The following PPFIA1 variants were observed in gnomAD, a reference collection of about 807,000 sequenced individuals.
The protein encoded by PPFIA1 is PPFI scaffold protein A1.
Under a neutral mutation model 149.9 loss-of-function variants are expected in PPFIA1, and 25 were observed. The observed-to-expected ratio is 0.17, with a 90% confidence interval of 0.12 to 0.23. The LOEUF is 0.23. PPFIA1 is among the 10% of genes least tolerant of loss of function. The pLI, the probability that PPFIA1 is intolerant of heterozygous loss-of-function variation, is 1.00. For missense variants in PPFIA1, 1,362 were observed against 1,506.5 expected (o/e 0.90, Z 1.59); for synonymous variants, 549 against 552.8 (o/e 0.99, Z 0.10).
At chr11:70,288,114 G>A (rs558709792) in intron 2 of PPFIA1, among the ~76,000 whole-genome samples, 23 of 142,236 alleles carry the variant, frequency 1.6e-4, no homozygotes, top group African/African-American at 4.8e-4. Context: ...TTGCTCTGTC[G>A]CCCAGGCTGG....
chr11:70,317,674 C>T (rs1362372051), intron 2 of PPFIA1, among the ~76,000 whole-genome samples: 11 of 152,026 alleles, frequency 7.2e-5, no homozygotes, highest in Admixed American at 1.3e-4. Context: ...CTGCTGGTGC[C>T]GGAAGAGTGA....
rs185824982 is a variant in PPFIA1, at chr11:70,286,163, C to T, written c.264+13727C>T. On this transcript the variant is annotated intron_variant, in intron 2 of 27. Coordinates refer to ENST00000253925, the MANE Select transcript of PPFIA1 (RefSeq NM_003626.5). Reference sequence around the variant, plus strand: ...CTTTCATTTGGGCAGGCTTTGGGCTCCTTAAATTCAATATTGGCTCAAACC... The same window carrying T: ...CTTTCATTTGGGCAGGCTTTGGGCTTCTTAAATTCAATATTGGCTCAAACC... Among the ~76,000 whole-genome samples the T allele has an allele frequency of 5.9e-5, 9 of 152,270 alleles. No homozygotes were observed. In the East Asian group the frequency reaches 1.2e-3, roughly 20 times the overall value.
At chr11:70,375,223 G>GTT (rs746047562) in intron 24 of PPFIA1, 130 bp downstream of exon 24, 18,734 of 166,104 alleles carry the variant, frequency 0.11, 1,694 homozygotes, top group African/African-American at 0.26. Context: ...CTAGTTTTTG[G>GTT]TTTTTTTTTT....
At chr11:70,345,398 G>T (rs543399388) in intron 15 of PPFIA1, among the ~76,000 whole-genome samples, 293 of 152,036 alleles carry the variant, frequency 1.9e-3, no homozygotes, top group African/African-American at 6.7e-3. Context: ...CTGAGCAGGG[G>T]CGTGAAGGAG....
chr11:70,315,094 C>A (rs976439210), intron 2 of PPFIA1, among the ~76,000 whole-genome samples: 1 of 152,194 alleles, frequency 6.6e-6, no homozygotes, highest in Non-Finnish European at 1.5e-5. Flanking sequence ...TGGTCCTGCC[C>A]TCAACACATG....
intron 21 of PPFIA1, among the ~76,000 whole-genome samples, chr11:70,364,097 A>G (rs777919892): frequency 4.4e-4 from 67 of 152,166 alleles, no homozygotes; most frequent in Admixed American, 2.8e-3. Context: ...AATAAAAACT[A>G]AAGGGGAAAA....
Position 70,285,679 on chromosome 11 carries a change from C to CAA in PPFIA1, c.264+13258_264+13259dup, listed in dbSNP as rs111860640. Among the ~76,000 whole-genome samples the CAA allele has an allele frequency of 2.3e-4, 19 of 82,398 alleles. No homozygotes were observed. The East Asian group carries it at 2.8e-3, about 12-fold the overall frequency. The allele number at this position is 82,398 out of a possible 152,430, so 54.1% of individuals were successfully genotyped here. ...TGGGGGACAGAGTGAGACTCTGTCT[C>CAA]AAAAAAAAAAAAAAAACCTCTTAAC... On this transcript the variant is annotated intron_variant, in intron 2 of 27. Transcript: ENST00000253925.
intron 21 of PPFIA1, chr11:70,363,263 T>C: frequency 6.6e-6 from 1 of 152,428 alleles, no homozygotes; most frequent in Non-Finnish European, 1.5e-5. Context: ...TCTGAGGCAC[T>C]GCCCCTTCCC....
chr11:70,363,895 T>C (rs7950916), intron 21 of PPFIA1, among the ~76,000 whole-genome samples: 27,031 of 151,564 alleles, frequency 0.18, 3,171 homozygotes, highest in African/African-American at 0.32. Flanking sequence ...CTAAGGAATT[T>C]TTGTATTTTT....
chr11:70,325,006 G>A lies in PPFIA1; in HGVS notation c.526G>A (p.Glu176Lys). 1 of 1,605,126 alleles carries A rather than the reference G, an allele frequency of 6.2e-7. No homozygotes were observed. Among genetic ancestry groups the A allele is most frequent in the East Asian group, 2.2e-5 (1 of 44,734 alleles). The change falls in exon 4 of 28, where the codon GAA becomes AAA. Residue 176 changes from glutamate (E) to lysine (K), a missense_variant. Transcript: ENST00000253925. ...ATTTGAACACCACAAAGCTCTGGAT[G>A]AAAAGGTGCCATCAGCCACATAAGT... is the stretch of plus-strand genomic sequence containing the variant. Reference protein sequence around the residue: ...SLFEHHKALDEKVRERLRVAL... With the variant: ...SLFEHHKALDKKVRERLRVAL...
At chr11:70,381,349 A>ATTTTT (rs2057703840) in intron 26 of PPFIA1, 1 of 152,186 alleles carries the variant, frequency 6.6e-6, no homozygotes, top group Admixed American at 6.5e-5. Flanking sequence ...TTAAAATCCC[A>ATTTTT]GTTGTTAATG....
chr11:70,346,047 T>G, intron 15 of PPFIA1: 2 of 416,458 alleles, frequency 4.8e-6, no homozygotes, highest in South Asian at 3.4e-5. Flanking sequence ...TTTTAAAGGG[T>G]TTTTCTTTAG....
chr11:70,378,003 C>T, intron 25 of PPFIA1, 27 bp from the exon 26 acceptor site: 1 of 1,541,566 alleles, frequency 6.5e-7, no homozygotes, highest in Non-Finnish European at 8.9e-7. Context: ...TTAAATGAAT[C>T]TTGTTTTTTG....
chr11:70,295,471 CT>C (rs1405297205), intron 2 of PPFIA1, among the ~76,000 whole-genome samples: 1 of 143,864 alleles, frequency 7.0e-6, no homozygotes, highest in Non-Finnish European at 1.5e-5. Flanking sequence ...AGAGGCGCCC[CT>C]CACCTCCTGG....
intron 19 of PPFIA1, among the ~76,000 whole-genome samples, chr11:70,357,638 G>A (rs1186988335): frequency 6.6e-6 from 1 of 150,644 alleles, no homozygotes; most frequent in Non-Finnish European, 1.5e-5. Flanking sequence ...CCACGCTGGA[G>A]TGCAGTGGCG....
intron 2 of PPFIA1, among the ~76,000 whole-genome samples, chr11:70,296,429 C>T (rs1279769856): frequency 2.0e-5 from 3 of 152,194 alleles, no homozygotes; most frequent in Admixed American, 6.5e-5. Context: ...TCTGCAATCC[C>T]AGCACCTCTG....
In PPFIA1 at chr11:70,277,037, G is replaced by GAT. The variant is rs1287413641; in HGVS notation, c.264+4624_264+4625dup. On this transcript the variant is annotated intron_variant, in intron 2 of 27. Transcript: ENST00000253925. The stretch of plus-strand genomic sequence containing the variant: ...TTTTGCTTTTTTTTTGTTTGATTGA[G>GAT]ATATATATATATATATATATATATT... 9.0e-3 allele frequency among the ~76,000 whole-genome samples: 709 copies of GAT among 79,140 alleles called. 8 individuals carry two copies. Among genetic ancestry groups the GAT allele is most frequent in the South Asian group, 0.013 (35 of 2,768 alleles). 51.9% of individuals were successfully genotyped at this position (79,140 alleles called of 152,430 possible). A position where few individuals can be genotyped will look rare whatever the true frequency, so the allele number is the denominator to read the frequency against.
At chr11:70,276,369 T>C (rs2050382417) in intron 2 of PPFIA1, among the ~76,000 whole-genome samples, 1 of 152,068 alleles carries the variant, frequency 6.6e-6, no homozygotes, top group African/African-American at 2.4e-5. Flanking sequence ...AAATTTACAA[T>C]TGTAGAATAA....
intron 22 of PPFIA1, 28 bp downstream of exon 22, chr11:70,372,418 A>G (rs2057310289): frequency 3.1e-6 from 5 of 1,613,312 alleles, no homozygotes. Flanking sequence ...GTTCTTAATA[A>G]TTGGCTAAGA....
Sources: allele counts gnomAD v4.1 joint callset (sites outside exome capture counted in the v4.1 genomes callset), GRCh38; gene constraint gnomAD v4.1.1; transcripts MANE v1.5; gene names NCBI Gene and HGNC (gene_info 2026-07-23, HGNC 2026-07-21).